The following POLN variants were observed in gnomAD, a reference collection of about 807,000 sequenced individuals.
POLN encodes DNA polymerase nu, also known as DNA polymerase N.
A neutral mutation model predicts 113.5 loss-of-function variants in POLN; 108 were observed. The ratio of observed to expected loss-of-function variants is 0.95; its 90% confidence interval spans 0.81 to 1.12. POLN has a LOEUF of 1.12. POLN is among the 50% of genes most tolerant of loss of function. POLN has a pLI of 0.00. For missense variants in POLN, 1,097 were observed against 1,077.1 expected, an observed-to-expected ratio of 1.02 and a Z score of -0.26; for synonymous variants, 386 against 391.5, an observed-to-expected ratio of 0.99 and a Z score of 0.17.
intron 6 of POLN, among the ~76,000 whole-genome samples, chr4:2,197,487 G>A (rs1044064600): frequency 1.3e-5 from 2 of 152,160 alleles, no homozygotes; most frequent in African/African-American, 4.8e-5. Context: ...CAGGCCACAG[G>A]AGGCAGGGTC....
chr4:2,079,924 C>G (rs1201338641), intron 23 of POLN: 1 of 985,454 alleles, frequency 1.0e-6, no homozygotes. Context: ...GCCTTCTGAC[C>G]ACTTCAGTTA....
chr4:2,174,041 A>T (rs746719109), intron 10 of POLN, 22 bp from the exon 11 acceptor site: 5 of 1,611,952 alleles, frequency 3.1e-6, no homozygotes, highest in Non-Finnish European at 4.2e-6. Context: ...AACCCAAACC[A>T]GATCATATTT....
At chr4:2,139,966 C>G (rs1731955776) in intron 16 of POLN, 1 of 152,162 alleles carries the variant, frequency 6.6e-6, no homozygotes, top group Non-Finnish European at 1.5e-5. Context: ...TAACAACTTA[C>G]GAGTGGCTGG....
chr4:2,170,240 T>TC (rs1206417468), intron 13 of POLN, among the ~76,000 whole-genome samples: 7 of 152,132 alleles, frequency 4.6e-5, no homozygotes, highest in Non-Finnish European at 8.8e-5. Flanking sequence ...ACTCTCCCAC[T>TC]CCAACACAGC....
At chr4:2,114,875 T>G (rs564371724) in intron 19 of POLN, among the ~76,000 whole-genome samples, 10 of 151,892 alleles carry the variant, frequency 6.6e-5, no homozygotes, top group Non-Finnish European at 1.0e-4. Context: ...TATACATAAG[T>G]TAGTCCATCT....
chr4:2,207,044 C>T (rs958998323), intron 5 of POLN, among the ~76,000 whole-genome samples: 23 of 152,134 alleles, frequency 1.5e-4, no homozygotes, highest in African/African-American at 5.6e-4. Flanking sequence ...GTGGTATATA[C>T]ATATGATGGA....
In POLN at chr4:2,150,649, A is replaced by G. The variant is rs150510673; in HGVS notation, c.1731+6139T>C. On this transcript the variant is annotated intron_variant, in intron 16 of 25. Coordinates refer to ENST00000511885, the MANE Select transcript of POLN (RefSeq NM_181808.4). Reference sequence around the variant, plus strand: ...GCTGGCAATGGTAAGTATATAGATCAACTAGACTGAGTTCAGAGTACAGTA... The same window carrying G: ...GCTGGCAATGGTAAGTATATAGATCGACTAGACTGAGTTCAGAGTACAGTA... Among the ~76,000 whole-genome samples the G allele has an allele frequency of 2.0e-3, 311 of 152,360 alleles. 3 individuals carry two copies. The highest frequency in any genetic ancestry group is 7.2e-3 in the African/African-American group (301 of 41,586).
At chr4:2,164,318 A>G (rs1322897619) in intron 13 of POLN, among the ~76,000 whole-genome samples, 2 of 151,930 alleles carry the variant, frequency 1.3e-5, no homozygotes, top group Non-Finnish European at 2.9e-5. Flanking sequence ...CCTGACCAAC[A>G]TGGAGAAACT....
chr4:2,240,593 C>T (rs1734946901), intron 2 of POLN: 1 of 1,612,536 alleles, frequency 6.2e-7, no homozygotes, highest in Non-Finnish European at 8.5e-7. Context: ...TATTACGTCG[C>T]TGAATTTTTA....
chr4:2,171,332 C>A, intron 11 of POLN, 151 bp from the exon 12 acceptor site: 3 of 525,070 alleles, frequency 5.7e-6, no homozygotes, highest in Non-Finnish European at 9.9e-6. Flanking sequence ...GCAGGAGGAT[C>A]ACTTGAGACC....
intron 19 of POLN, among the ~76,000 whole-genome samples, chr4:2,120,344 T>C (rs775794664): frequency 5.9e-5 from 9 of 152,138 alleles, no homozygotes; most frequent in Non-Finnish European, 1.2e-4. Context: ...TTTGGGAGAA[T>C]TGACATTATT....
intron 9 of POLN, among the ~76,000 whole-genome samples, chr4:2,175,644 G>T (rs1215823743): frequency 6.6e-6 from 1 of 152,124 alleles, no homozygotes; most frequent in East Asian, 1.9e-4. Flanking sequence ...AGAGTCCCAG[G>T]CTCCATCCTC....
chr4:2,081,212 C>A, intron 22 of POLN, 176 bp from the exon 23 acceptor site: 1 of 1,557,424 alleles, frequency 6.4e-7, no homozygotes, highest in Non-Finnish European at 8.6e-7. Context: ...CTTGCTCCTC[C>A]CGCCCTCTTG....
intron 24 of POLN, among the ~76,000 whole-genome samples, chr4:2,073,581 C>A (rs1730204552): frequency 6.6e-6 from 1 of 152,236 alleles, no homozygotes; most frequent in Admixed American, 6.5e-5. Context: ...GATCACCATG[C>A]AGCAGTGGGG....
intron 2 of POLN, chr4:2,230,185 C>T (rs1734531600): frequency 6.6e-6 from 1 of 152,376 alleles, no homozygotes; most frequent in Non-Finnish European, 1.5e-5. Flanking sequence ...ATCCCATCTA[C>T]TCAGGAGGCT....
chr4:2,140,576 A>G (rs535744150), intron 16 of POLN, among the ~76,000 whole-genome samples: 1 of 152,220 alleles, frequency 6.6e-6, no homozygotes, highest in South Asian at 2.1e-4. Context: ...GCAGAGCCCC[A>G]TCTCTACTAA....
intron 7 of POLN, among the ~76,000 whole-genome samples, chr4:2,190,578 G>C (rs940344397): frequency 6.6e-6 from 1 of 151,654 alleles, no homozygotes; most frequent in Non-Finnish European, 1.5e-5. Context: ...GGAAACAATA[G>C]AGTGAACAGA....
At chr4:2,085,551 TC>T in intron 21 of POLN, 61 bp downstream of exon 21, 1 of 1,598,992 alleles carries the variant, frequency 6.3e-7, no homozygotes, top group Non-Finnish European at 8.5e-7. Flanking sequence ...CACGCAGCTG[TC>T]CCCCCATCCT....
chr4:2,226,969 T>C (rs1218974170), intron 3 of POLN, among the ~76,000 whole-genome samples: 5 of 152,176 alleles, frequency 3.3e-5, no homozygotes, highest in Non-Finnish European at 4.4e-5. Flanking sequence ...TGGATTCATA[T>C]GATGAAGGAA....
Sources: gnomAD v4.1 joint callset for allele counts (sites outside exome capture counted in the v4.1 genomes callset) on GRCh38, gnomAD v4.1.1 for gene constraint, MANE v1.5 for transcripts, NCBI Gene and HGNC (gene_info 2026-07-23, HGNC 2026-07-21) for gene names.